The following ADAM11 variants were observed in gnomAD, a reference collection of about 807,000 sequenced individuals.
The protein encoded by ADAM11 is disintegrin and metalloproteinase domain-containing protein 11.
A neutral mutation model predicts 119.1 loss-of-function variants in ADAM11; 49 were observed. That is an observed-to-expected ratio of 0.41 (90% CI 0.33 to 0.52). The LOEUF is 0.52. Among genes scored for constraint, ADAM11 ranks in the 20% least tolerant of loss-of-function variants. The probability of loss-of-function intolerance (pLI) is 0.20; values close to 1 mark genes in which losing one functional copy is unlikely to be tolerated. For missense variants in ADAM11, 777 were observed against 1,047.5 expected, an observed-to-expected ratio of 0.74 and a Z score of 3.56; for synonymous variants, 364 against 408.0, an observed-to-expected ratio of 0.89 and a Z score of 1.30.
chr17:44,763,560 G>A (rs1036759999), intron 2 of ADAM11, among the ~76,000 whole-genome samples: 11 of 152,216 alleles, frequency 7.2e-5, no homozygotes, highest in South Asian at 6.2e-4. Flanking sequence ...CAGGGAGCCT[G>A]CAGCCGAGGG....
intron 2 of ADAM11, among the ~76,000 whole-genome samples, chr17:44,768,427 TG>T (rs2049478122): frequency 6.6e-6 from 1 of 152,160 alleles, no homozygotes; most frequent in African/African-American, 2.4e-5. Context: ...TCATGGACAC[TG>T]GGCCCTCTTC....
At chr17:44,778,779 T>A (rs966346615) in intron 25 of ADAM11, among the ~76,000 whole-genome samples, 4 of 150,266 alleles carry the variant, frequency 2.7e-5, no homozygotes, top group African/African-American at 9.8e-5. Context: ...GCAATTCGGA[T>A]TTCCAGCTCT....
chr17:44,780,350 A>G lies in ADAM11; in HGVS notation c.*596A>G. On this transcript the variant is annotated 3_prime_UTR_variant, in exon 27 of 27. Transcript: ENST00000200557. ...GACCACACCCGAAGTCCTGTCACTGAGCACAGTCAGGGGCTGGGCATCCCA... is the reference window on the plus strand; with the variant it reads ...GACCACACCCGAAGTCCTGTCACTGGGCACAGTCAGGGGCTGGGCATCCCA... The G allele has an allele frequency of 2.8e-6, 1 of 352,190 alleles. No homozygotes were observed. The highest frequency in any genetic ancestry group is 4.1e-5 in the Admixed American group (1 of 24,502). The allele number at this position is 352,190 out of a possible 1,614,324, so 21.8% of individuals were successfully genotyped here.
At position 44,773,017 on chromosome 17, in the gene ADAM11, G is replaced by A. The variant is rs771142695; in HGVS notation, c.757G>A (p.Glu253Lys). The change falls in exon 10 of 27, where the codon GAG (glutamate) becomes AAG (lysine). Residue 253 changes from glutamate (E) to lysine (K), a missense_variant. Around this residue, in one of 4 missense-constraint regions of ADAM11, gnomAD observed 147 missense variants for 223.3 expected, o/e 0.66. Coordinates refer to ENST00000200557, the MANE Select transcript of ADAM11 (RefSeq NM_002390.6). This position sits in a 1 kb window ranked among gnomAD's most constrained non-coding sequence, Gnocchi z 4.6. The stretch of plus-strand genomic sequence containing the variant: ...CTCCCATTCTTCTCTCTCCCAGTTC[G>A]AGCAGATGCGACAGTCGGTGGTCCT... ...LIVINDHQLF[E>K]QMRQSVVLTS... 6 of 1,613,888 alleles carry A rather than the reference G, an allele frequency of 3.7e-6. No homozygotes were observed. Among genetic ancestry groups the A allele is most frequent in the African/African-American group, 2.7e-5 (2 of 74,860 alleles).
chr17:44,779,617 C>G (rs2049664040), intron 26 of ADAM11, 122 bp from the exon 27 acceptor site: 2 of 1,493,350 alleles, frequency 1.3e-6, no homozygotes, highest in Non-Finnish European at 1.8e-6. Flanking sequence ...GATCCCTTCC[C>G]TGGCCAGCCT....
Position 44,777,063 on chromosome 17 carries a change from C to T in ADAM11, c.1681+101C>T. The T allele has an allele frequency of 1.3e-6, 2 of 1,543,866 alleles. No homozygotes were observed. Among genetic ancestry groups the T allele is most frequent in the Non-Finnish European group, 1.8e-6 (2 of 1,136,932 alleles). On this transcript the variant is annotated intron_variant, in intron 20 of 26. Transcript: ENST00000200557. This position sits in a 1 kb window ranked among gnomAD's most constrained non-coding sequence, Gnocchi z 5.1. ...TGAACAGGCCCCCAAGTGTGTAGCT[C>T]CCCAGGATCTCAGGGACCCAGGCAG...
chr17:44,778,410 G>A (rs956836195), intron 25 of ADAM11, among the ~76,000 whole-genome samples, 168 bp downstream of exon 25: 3 of 152,196 alleles, frequency 2.0e-5, no homozygotes, highest in African/African-American at 7.2e-5. Flanking sequence ...GGAGATTTTA[G>A]GCTAGATGAG....
intron 4 of ADAM11, among the ~76,000 whole-genome samples, 153 bp from the exon 5 acceptor site, chr17:44,771,431 G>C (rs2049522409): frequency 6.6e-6 from 1 of 152,170 alleles, no homozygotes; most frequent in South Asian, 2.1e-4. Flanking sequence ...AGGAGCACCA[G>C]CCATCTAGAA....
chr17:44,772,353 G>T lies in ADAM11; in HGVS notation c.610+20G>T, dbSNP rs182916582. 1.2e-3 allele frequency: 1,862 copies of T among 1,584,672 alleles called. 23 individuals carry two copies. The African/African-American group carries it at 0.022, about 18-fold the overall frequency. On this transcript the variant is annotated intron_variant, in intron 7 of 26. Coordinates refer to ENST00000200557, the MANE Select transcript of ADAM11 (RefSeq NM_002390.6). This position sits in a 1 kb window ranked among gnomAD's most constrained non-coding sequence, Gnocchi z 4.5. ...AACCAGGTAAGGGAGGGAAGGGGGGGTGGGGAGGGGCCGGCTGTGCCCCCC... is the reference window on the plus strand; with the variant it reads ...AACCAGGTAAGGGAGGGAAGGGGGGTTGGGGAGGGGCCGGCTGTGCCCCCC...
At chr17:44,778,319 G>T in intron 25 of ADAM11, 77 bp downstream of exon 25, 1 of 1,436,008 alleles carries the variant, frequency 7.0e-7, no homozygotes, top group Non-Finnish European at 9.4e-7. Context: ...AGCTGAGGGG[G>T]CCCTCCCTGA....
chr17:44,776,680 C>T lies in ADAM11; in HGVS notation c.1567-65C>T, dbSNP rs2049605692. The T allele has an allele frequency of 1.1e-5, 18 of 1,583,702 alleles. No individual in the cohort carries two copies. The highest frequency in any genetic ancestry group is 1.6e-5 in the Non-Finnish European group (18 of 1,157,832). ...GGGCACTTGGTACCCCAGCATTCCT[C>T]CCTGGGGCAGCCCTCAGCTCCAGTC... On this transcript the variant is annotated intron_variant, in intron 18 of 26. Transcript: ENST00000200557. This position sits in a 1 kb window ranked among gnomAD's most constrained non-coding sequence, Gnocchi z 5.2.
intron 2 of ADAM11, among the ~76,000 whole-genome samples, chr17:44,761,869 C>T (rs928840728): frequency 2.0e-5 from 3 of 152,170 alleles, no homozygotes; most frequent in Non-Finnish European, 4.4e-5. Context: ...GTTGCCCAGG[C>T]TGGAGTGCAA....
chr17:44,775,774 CGGGGA>C lies in ADAM11; in HGVS notation c.1485+99_1485+103del. ...GAGCTAGGGAGGGAAGCGGAGCCTT[CGGGGA>C]CGAAGGCCTCTGGGGCAGGGCTTGA... is the stretch of plus-strand genomic sequence containing the variant. On this transcript the variant is annotated intron_variant, in intron 17 of 26. Transcript: ENST00000200557. This position sits in a 1 kb window ranked among gnomAD's most constrained non-coding sequence, Gnocchi z 7.5. 1 of 1,303,546 alleles carries C rather than the reference CGGGGA, an allele frequency of 7.7e-7. No individual in the cohort carries two copies. Among genetic ancestry groups the C allele is most frequent in the Non-Finnish European group, 1.0e-6 (1 of 958,538 alleles). The allele number at this position is 1,303,546 out of a possible 1,614,324, so 80.7% of individuals were successfully genotyped here.
chr17:44,780,797 T>A lies in ADAM11; in HGVS notation c.*1043T>A, dbSNP rs1410944647. ...GAGGAAGTAGGAAAGGGAGGTCTCA[T>A]GGATGATCCTAGGCTGCTAGAAGTC... On this transcript the variant is annotated 3_prime_UTR_variant, in exon 27 of 27. Transcript: ENST00000200557. 1 of 154,802 alleles carries A rather than the reference T, an allele frequency of 6.5e-6. No homozygotes were observed. Among genetic ancestry groups the A allele is most frequent in the Admixed American group, 6.5e-5 (1 of 15,322 alleles). The allele number at this position is 154,802 out of a possible 1,614,324, so 9.6% of individuals were successfully genotyped here.
rs747780954 is a variant in ADAM11, at chr17:44,775,683, A to AG, written c.1485+9dup. The AG allele has an allele frequency of 3.2e-6, 5 of 1,572,946 alleles. No individual in the cohort carries two copies. In the South Asian group the frequency reaches 5.7e-5, roughly 18 times the overall value. ...CTGCTGTCGCCGCTGCAAGGTAAGC[A>AG]GGACCGGCCGGGAGGCGGGGCCAGG... On this transcript the variant is annotated splice_region_variant and intron_variant, in intron 17 of 26. Transcript: ENST00000200557. The surrounding 1 kb of genome is among the most constrained non-coding windows in gnomAD (Gnocchi z 7.5).
In ADAM11 at chr17:44,775,732, C is replaced by T. The variant is rs1225683982; in HGVS notation, c.1485+56C>T. 4.7e-6 allele frequency: 7 copies of T among 1,496,346 alleles called. No individual in the cohort carries two copies. The Admixed American group carries it at 1.2e-4, about 25-fold the overall frequency. The allele number at this position is 1,496,346 out of a possible 1,614,324, so 92.7% of individuals were successfully genotyped here. On this transcript the variant is annotated intron_variant, in intron 17 of 26. Coordinates refer to ENST00000200557, the MANE Select transcript of ADAM11 (RefSeq NM_002390.6). This position sits in a 1 kb window ranked among gnomAD's most constrained non-coding sequence, Gnocchi z 7.5. ...GGACGCAGGAGGAGCGATTGGAGGCCTTCATATAAGGGGTGGGAGCTAGGG... is the reference window on the plus strand; with the variant it reads ...GGACGCAGGAGGAGCGATTGGAGGCTTTCATATAAGGGGTGGGAGCTAGGG...
chr17:44,760,008 C>T, intron 2 of ADAM11, 111 bp downstream of exon 2: 1 of 1,099,344 alleles, frequency 9.1e-7, no homozygotes, highest in East Asian at 3.2e-5. Flanking sequence ...CCGCAGGGTC[C>T]CCTTCTGTAC....
rs775154056 is a variant in ADAM11 at position 44,777,618 on chromosome 17, A to G, written c.1901+17A>G. The G allele has an allele frequency of 1.9e-6, 3 of 1,614,054 alleles. No individual in the cohort carries two copies. In the South Asian group the frequency reaches 3.3e-5, roughly 18 times the overall value. On this transcript the variant is annotated intron_variant, in intron 22 of 26. Coordinates refer to ENST00000200557, the MANE Select transcript of ADAM11 (RefSeq NM_002390.6). The surrounding 1 kb of genome is among the most constrained non-coding windows in gnomAD (Gnocchi z 5.1). ...GGACTGCAGGTGCTGGCCAGGACCA[A>G]GACTAGGGAGGGGAGGTTGCAGCTG...
rs1476491039 is a variant in ADAM11, at chr17:44,775,666, G to A, written c.1475G>A (p.Arg492His). 6.3e-7 allele frequency: 1 copy of A among 1,585,044 alleles called. No individual in the cohort carries two copies. The highest frequency in any genetic ancestry group is 2.3e-5 in the East Asian group (1 of 43,970). ...DAMCSDGLCC[R>H]RCKYEPRGVS... ...ATGTGCAGCGACGGGCTCTGCTGTC[G>A]CCGCTGCAAGGTAAGCAGGACCGGC... Residue 492 changes from arginine (R) to histidine (H), a missense_variant, in exon 17 of 27, where the codon CGC (arginine) becomes CAC (histidine). By Grantham distance (29) the Arg-to-His change is conservative. Transcript: ENST00000200557. This position sits in a 1 kb window ranked among gnomAD's most constrained non-coding sequence, Gnocchi z 7.5.
Sources: allele counts gnomAD v4.1 joint callset (sites outside exome capture counted in the v4.1 genomes callset), GRCh38; gene constraint gnomAD v4.1.1; regional missense constraint gnomAD v4.1.1; non-coding constraint Gnocchi (gnomAD v3.1); transcripts MANE v1.5; gene names NCBI Gene and HGNC (gene_info 2026-07-23, HGNC 2026-07-21).